Variants in MRTFA observed in about 807,000 individuals in gnomAD.
The protein encoded by MRTFA is myocardin-related transcription factor A.
MRTFA carries 20 observed loss-of-function variants against 83.5 expected under a neutral mutation model. That is an observed-to-expected ratio of 0.24 (90% CI 0.17 to 0.35). The LOEUF is 0.35. MRTFA is among the 10% of genes least tolerant of loss of function. MRTFA has a pLI of 1.00. For missense variants in MRTFA, 1,200 were observed against 1,224.7 expected (o/e 0.98, Z 0.30); for synonymous variants, 659 against 541.2 (o/e 1.22, Z -3.02).
rs879690699 is a variant in MRTFA at position 40,518,795 on chromosome 22, CAAAAAAAAAAA to C, written c.241+33300_241+33310del. On this transcript the variant is annotated intron_variant, in intron 3 of 14. Transcript: ENST00000355630. The stretch of plus-strand genomic sequence containing the variant: ...GGGCGACAGAGTGAGACTCTGTCTC[CAAAAAAAAAAA>C]AAAAAAAAAAAAAAACCAGTGTCTG... 1.5e-3 allele frequency among the ~76,000 whole-genome samples: 102 copies of C among 68,146 alleles called. 2 individuals are homozygous for C. Among genetic ancestry groups the C allele is most frequent in the African/African-American group, 6.3e-3 (99 of 15,788 alleles). The allele number at this position is 68,146 out of a possible 152,430, so 44.7% of individuals were successfully genotyped here.
intron 3 of MRTFA, among the ~76,000 whole-genome samples, chr22:40,472,216 C>T (rs1051759260): frequency 6.6e-6 from 1 of 152,198 alleles, no homozygotes; most frequent in South Asian, 2.1e-4. Context: ...TAGACCTCAT[C>T]TCTTTAAAAA....
In MRTFA at chr22:40,552,172, C is replaced by G. The variant is rs1444614141; in HGVS notation, c.175G>C (p.Glu59Gln). Residue 59 changes from glutamate to glutamine, a missense_variant, in exon 3 of 15, where the codon GAG becomes CAG. Coordinates refer to ENST00000355630, the MANE Select transcript of MRTFA (RefSeq NM_020831.6). ...CCAGGGTGGAGGCCTAGGGTCAGCT[C>G]GGGCTGCAAGGAGAGCTCCTGCAGT... 2.5e-6 allele frequency: 1 copy of G among 399,024 alleles called. No homozygotes were observed. Among genetic ancestry groups the G allele is most frequent in the Non-Finnish European group, 4.4e-6 (1 of 226,096 alleles). The allele number at this position is 399,024 out of a possible 1,614,324, so 24.7% of individuals were successfully genotyped here. A position where few individuals can be genotyped will look rare whatever the true frequency, so the allele number is the denominator to read the frequency against.
At chr22:40,623,063 A>G (rs1298344018) in intron 1 of MRTFA, among the ~76,000 whole-genome samples, 3 of 152,248 alleles carry the variant, frequency 2.0e-5, no homozygotes, top group Non-Finnish European at 4.4e-5. Flanking sequence ...CAACATGTTC[A>G]GCAACATGTA....
At chr22:40,592,238 G>A (rs1455203340) in intron 2 of MRTFA, among the ~76,000 whole-genome samples, 19 of 145,302 alleles carry the variant, frequency 1.3e-4, no homozygotes, top group African/African-American at 4.6e-4. Flanking sequence ...AGACCAACCC[G>A]GACAACACAG....
chr22:40,577,847 T>C (rs2055890455), intron 2 of MRTFA, among the ~76,000 whole-genome samples: 2 of 151,532 alleles, frequency 1.3e-5, no homozygotes, highest in Admixed American at 6.6e-5. Context: ...CTCAGGTGAT[T>C]CGCCAGCCTC....
chr22:40,441,451 T>G (rs1209663880), intron 4 of MRTFA, among the ~76,000 whole-genome samples: 1 of 152,202 alleles, frequency 6.6e-6, no homozygotes, highest in Non-Finnish European at 1.5e-5. Flanking sequence ...ATTAAAGATA[T>G]AAAAGGTGAA....
chr22:40,472,926 G>A (rs1218269383), intron 3 of MRTFA, among the ~76,000 whole-genome samples: 1 of 152,100 alleles, frequency 6.6e-6, no homozygotes. Flanking sequence ...TCCAACAGGA[G>A]AGAAATTTCA....
chr22:40,516,057 T>G (rs185530759), intron 3 of MRTFA, among the ~76,000 whole-genome samples: 5 of 152,260 alleles, frequency 3.3e-5, no homozygotes. Context: ...ATCTTCAGGA[T>G]AAAGCAATGG....
At chr22:40,574,258 C>T (rs765865588) in intron 2 of MRTFA, among the ~76,000 whole-genome samples, 4 of 152,044 alleles carry the variant, frequency 2.6e-5, no homozygotes, top group Non-Finnish European at 1.5e-5. Context: ...ACAGTTAGCC[C>T]TCTGTATCCA....
rs1225037124 is a variant in MRTFA at position 40,416,459 on chromosome 22, G to GC, written c.2578+526dup. ...CACACAATGGAGCCAAAGCCACCCT[G>GC]CCCTGGTGCCCAGGAGGCCACGCAT... On this transcript the variant is annotated intron_variant, in intron 14 of 14. Transcript: ENST00000355630. The surrounding 1 kb of genome is among the most constrained non-coding windows in gnomAD (Gnocchi z 4.2). Among the ~76,000 whole-genome samples the GC allele has an allele frequency of 2.6e-5, 4 of 152,236 alleles. No homozygotes were observed. The highest frequency in any genetic ancestry group is 1.3e-4 in the Admixed American group (2 of 15,286).
At chr22:40,463,153 G>A in intron 4 of MRTFA, 68 bp downstream of exon 4, 6 of 1,307,468 alleles carry the variant, frequency 4.6e-6, no homozygotes, top group Non-Finnish European at 6.6e-6. Flanking sequence ...GCTTCCCATG[G>A]CATACTCGGT....
At position 40,423,556 on chromosome 22, in the gene MRTFA, A is replaced by C. The variant is rs775256325; in HGVS notation, c.907T>G (p.Ser303Ala). 1 of 1,570,972 alleles carries C rather than the reference A, an allele frequency of 6.4e-7. No homozygotes were observed. Among genetic ancestry groups the C allele is most frequent in the South Asian group, 1.2e-5 (1 of 84,480 alleles). ...TGTACCTTAATGAGTGTGGGGGTGG[A>C]CTTGGCAGTGGGGATAGTGGTTCCA... Residue 303 changes from serine to alanine, a missense_variant, in exon 9 of 15, where the codon TCC becomes GCC. Physicochemically the swap from Ser to Ala is moderately conservative, Grantham distance 99 (BLOSUM62 1). Transcript: ENST00000355630.
intron 4 of MRTFA, among the ~76,000 whole-genome samples, chr22:40,447,923 C>T (rs2053411951): frequency 6.6e-6 from 1 of 152,144 alleles, no homozygotes. Flanking sequence ...GTGTGATATG[C>T]CCGGTGTGGT....
At chr22:40,485,181 A>G (rs1460063191) in intron 3 of MRTFA, among the ~76,000 whole-genome samples, 1 of 152,210 alleles carries the variant, frequency 6.6e-6, no homozygotes, top group Non-Finnish European at 1.5e-5. Context: ...CACACCTATC[A>G]GCAGAATGCT....
intron 4 of MRTFA, among the ~76,000 whole-genome samples, chr22:40,461,577 G>C (rs2053712953): frequency 6.9e-6 from 1 of 144,872 alleles, no homozygotes; most frequent in South Asian, 2.2e-4. Context: ...GAGGCCAAGA[G>C]ATCGAGACCA....
intron 3 of MRTFA, among the ~76,000 whole-genome samples, chr22:40,523,907 T>A (rs1395954350): frequency 6.6e-6 from 1 of 152,258 alleles, no homozygotes; most frequent in East Asian, 1.9e-4. Flanking sequence ...CCCAAGAGAA[T>A]ATACTAAGAA....
At chr22:40,458,429 C>T (rs1488878656) in intron 4 of MRTFA, among the ~76,000 whole-genome samples, 1 of 152,014 alleles carries the variant, frequency 6.6e-6, no homozygotes, top group Non-Finnish European at 1.5e-5. Flanking sequence ...TTCTTTAATC[C>T]CTTCAACTTT....
intron 5 of MRTFA, among the ~76,000 whole-genome samples, chr22:40,431,708 GTC>G (rs1385402323): frequency 6.6e-6 from 1 of 152,102 alleles, no homozygotes; most frequent in East Asian, 1.9e-4. Flanking sequence ...GACCATCTGT[GTC>G]TCTGAGGCTG....
At chr22:40,569,716 A>AATACATACATAC (rs67146133) in intron 2 of MRTFA, 5 of 142,242 alleles carry the variant, frequency 3.5e-5, no homozygotes, top group African/African-American at 8.0e-5. Context: ...CTCCATAATT[A>AATACATACATAC]ATACATACAT....
Sources: gnomAD v4.1 joint callset for allele counts (sites outside exome capture counted in the v4.1 genomes callset) on GRCh38, gnomAD v4.1.1 for gene constraint, Gnocchi (gnomAD v3.1) non-coding constraint, MANE v1.5 for transcripts, NCBI Gene and HGNC (gene_info 2026-07-23, HGNC 2026-07-21) for gene names.